The following ODAD2 variants were observed in gnomAD, a reference collection of about 807,000 sequenced individuals.
ODAD2 encodes outer dynein arm-docking complex subunit 2.
In ODAD2, 89 loss-of-function variants were observed where a neutral mutation model predicts 106.8. That is an observed-to-expected ratio of 0.83 (90% CI 0.70 to 0.99). ODAD2 has a LOEUF of 0.99. Among genes scored for constraint, ODAD2 ranks in the 50% least tolerant of loss-of-function variants. The pLI, the probability that ODAD2 is intolerant of heterozygous loss-of-function variation, is 0.00. For missense variants in ODAD2, 1,168 were observed against 1,238.5 expected, an observed-to-expected ratio of 0.94 and a Z score of 0.85; for synonymous variants, 404 against 436.2, an observed-to-expected ratio of 0.93 and a Z score of 0.92.
chr10:27,885,671 A>T (rs1435344756), intron 17 of ODAD2, among the ~76,000 whole-genome samples: 2 of 31,324 alleles, frequency 6.4e-5, no homozygotes, highest in South Asian at 9.9e-4. Flanking sequence ...ATTATATATA[A>T]AATATATATA....
At chr10:27,954,967 T>C (rs559061201) in intron 10 of ODAD2, among the ~76,000 whole-genome samples, 15 of 152,302 alleles carry the variant, frequency 9.8e-5, no homozygotes, top group African/African-American at 3.6e-4. Context: ...GCTGATGGAA[T>C]TTAAATATGT....
chr10:27,961,804 C>T, intron 9 of ODAD2, 89 bp from the exon 10 acceptor site: 1 of 1,124,118 alleles, frequency 8.9e-7, no homozygotes, highest in South Asian at 1.6e-5. Context: ...GTGGCTCATG[C>T]CTATAATCTC....
chr10:27,865,218 A>G (rs1016070109), intron 17 of ODAD2, among the ~76,000 whole-genome samples: 15 of 152,150 alleles, frequency 9.9e-5, no homozygotes, highest in African/African-American at 3.1e-4. Flanking sequence ...GTGGCTCTCT[A>G]TGTGAGCTAA....
rs73604101 is a variant in ODAD2 at position 27,921,431 on chromosome 10, T to C, written c.2495+13579A>G. ...TGGAAAATTTAGAGCATTAGACTTT[T>C]AGTATGTTTTGAATCATGTATGCCA... On this transcript the variant is annotated intron_variant, in intron 16 of 19. Transcript: ENST00000305242. Among the ~76,000 whole-genome samples, 457 of 152,226 alleles carry C rather than the reference T, an allele frequency of 3.0e-3. 6 individuals carry two copies. The highest frequency in any genetic ancestry group is 0.011 in the African/African-American group (444 of 41,554).
intron 8 of ODAD2, among the ~76,000 whole-genome samples, chr10:27,969,660 G>A (rs2132962091): frequency 6.6e-6 from 1 of 152,312 alleles, no homozygotes; most frequent in East Asian, 1.9e-4. Flanking sequence ...ACAGCTCTCT[G>A]GGTTTGCTTC....
chr10:27,921,814 C>A (rs1590026073), intron 16 of ODAD2, among the ~76,000 whole-genome samples: 1 of 144,922 alleles, frequency 6.9e-6, no homozygotes, highest in African/African-American at 2.5e-5. Context: ...TGTTATGAAG[C>A]AAGGCAATAG....
At chr10:27,930,904 G>A (rs1845570654) in intron 16 of ODAD2, among the ~76,000 whole-genome samples, 1 of 152,128 alleles carries the variant, frequency 6.6e-6, no homozygotes, top group Admixed American at 6.5e-5. Flanking sequence ...TTCTTTTTGT[G>A]TTACAATCTG....
At position 27,845,101 on chromosome 10, in the gene ODAD2, A is replaced by G. The variant is rs578206410; in HGVS notation, c.3021+15524T>C. Among the ~76,000 whole-genome samples, 6 of 151,066 alleles carry G rather than the reference A, an allele frequency of 4.0e-5. No homozygotes were observed. The South Asian group carries it at 1.3e-3, about 32-fold the overall frequency. On this transcript the variant is annotated intron_variant, in intron 19 of 19. Coordinates refer to ENST00000305242, the MANE Select transcript of ODAD2 (RefSeq NM_018076.5). ...ACTCCTCGAAAAGAGCAACTCCAAGACACATAATTGTCAGATTCACCAAAG... is the reference window on the plus strand; with the variant it reads ...ACTCCTCGAAAAGAGCAACTCCAAGGCACATAATTGTCAGATTCACCAAAG...
intron 16 of ODAD2, among the ~76,000 whole-genome samples, chr10:27,919,704 G>C (rs1207182933): frequency 6.6e-6 from 1 of 152,092 alleles, no homozygotes; most frequent in Non-Finnish European, 1.5e-5. Flanking sequence ...AATCACTTTT[G>C]TGTACTATTT....
At chr10:27,914,965 C>A (rs899246470) in intron 16 of ODAD2, among the ~76,000 whole-genome samples, 2 of 151,866 alleles carry the variant, frequency 1.3e-5, no homozygotes, top group Admixed American at 1.3e-4. Flanking sequence ...AATGAAACAA[C>A]ATATGCATGA....
At position 27,975,772 on chromosome 10, in the gene ODAD2, GAA is replaced by G. The variant is rs541138084; in HGVS notation, c.937-4461_937-4460del. Reference sequence around the variant, plus strand: ...TCTATACAAACTCTTCCAAAAAATTGAAGAGAAGATGAAACTTTCTAAATCAT... The same window carrying G: ...TCTATACAAACTCTTCCAAAAAATTGGAGAAGATGAAACTTTCTAAATCAT... On this transcript the variant is annotated intron_variant, in intron 7 of 19. Transcript: ENST00000305242. Among the ~76,000 whole-genome samples the G allele has an allele frequency of 4.1e-4, 62 of 152,154 alleles. No individual in the cohort carries two copies. In the South Asian group the frequency reaches 0.011, roughly 26 times the overall value.
At chr10:27,979,735 C>A (rs531820860) in intron 7 of ODAD2, among the ~76,000 whole-genome samples, 1 of 152,228 alleles carries the variant, frequency 6.6e-6, no homozygotes, top group South Asian at 2.1e-4. Flanking sequence ...AAATGGAAAG[C>A]TATCTCCTGT....
intron 19 of ODAD2, among the ~76,000 whole-genome samples, chr10:27,819,364 G>A (rs766803159): frequency 7.2e-5 from 11 of 152,142 alleles, no homozygotes; most frequent in Admixed American, 1.3e-4. Context: ...ACTCTGGGGT[G>A]AGAGAGATAT....
chr10:27,907,155 T>C (rs1292844707), intron 17 of ODAD2, among the ~76,000 whole-genome samples: 8 of 152,176 alleles, frequency 5.3e-5, no homozygotes, highest in East Asian at 1.9e-4. Context: ...AATCAAGGGC[T>C]AAAATCGATT....
intron 19 of ODAD2, among the ~76,000 whole-genome samples, chr10:27,850,444 CAAAA>C (rs10713871): frequency 3.3e-5 from 3 of 89,580 alleles, no homozygotes; most frequent in Non-Finnish European, 4.3e-5. Context: ...GACTCCGTCT[CAAAA>C]AAAAAAAAAA....
At chr10:27,826,890 C>G (rs547399589) in intron 19 of ODAD2, among the ~76,000 whole-genome samples, 1 of 152,218 alleles carries the variant, frequency 6.6e-6, no homozygotes, top group South Asian at 2.1e-4. Flanking sequence ...CATCCTCACT[C>G]TCCAGCTACC....
At chr10:27,933,832 T>C (rs1301527616) in intron 16 of ODAD2, among the ~76,000 whole-genome samples, 1 of 152,204 alleles carries the variant, frequency 6.6e-6, no homozygotes, top group Non-Finnish European at 1.5e-5. Context: ...TTCCTTAGTG[T>C]CTGAAACACT....
chr10:27,903,788 C>A (rs1402641763), intron 17 of ODAD2, among the ~76,000 whole-genome samples: 1 of 152,110 alleles, frequency 6.6e-6, no homozygotes, highest in Admixed American at 6.5e-5. Context: ...GAGGCCCCAC[C>A]AATACATGCA....
At chr10:27,886,413 G>T (rs1355277177) in intron 17 of ODAD2, among the ~76,000 whole-genome samples, 1 of 151,970 alleles carries the variant, frequency 6.6e-6, no homozygotes, top group Non-Finnish European at 1.5e-5. Context: ...ATTCGATATT[G>T]ATCAAAACTG....
Sources: gnomAD v4.1 joint callset for allele counts (sites outside exome capture counted in the v4.1 genomes callset) on GRCh38, gnomAD v4.1.1 for gene constraint, MANE v1.5 for transcripts, NCBI Gene and HGNC (gene_info 2026-07-23, HGNC 2026-07-21) for gene names.